ADAMTS16: variants seen among roughly 807,000 people sequenced by gnomAD.
ADAMTS16 encodes the protein ADAM metallopeptidase with thrombospondin type 1 motif 16.
In ADAMTS16, 94 loss-of-function variants were observed where a neutral mutation model predicts 145.8. The observed-to-expected ratio is 0.64, with a 90% CI of 0.55 to 0.77. The LOEUF (loss-of-function observed/expected upper bound fraction) is 0.77. Among genes scored for constraint, ADAMTS16 ranks in the 30% least tolerant of loss-of-function variants. The pLI is 0.00. For synonymous variants in ADAMTS16, 659 were observed against 604.3 expected (o/e 1.09, Z -1.33); for missense variants, 1,585 against 1,591.5 (o/e 1.00, Z 0.07).
In ADAMTS16 at chr5:5,318,205, A is replaced by G. The variant is rs771461039; in HGVS notation, c.3483A>G (p.Ser1161=). The G allele has an allele frequency of 1.3e-6, 2 of 1,568,798 alleles. No individual in the cohort carries two copies. The highest frequency in any genetic ancestry group is 2.4e-5 in the South Asian group (2 of 85,060). Residue 1161 remains serine, a synonymous_variant, in exon 22 of 23, where the codon TCA becomes TCG. Transcript: ENST00000274181. The part of the protein sequence containing the change: ...VQCLAGGRPA[S]GCLLHQKPSA... ...GCCTGGCTGGGGGCCGGCCGGCCTC[A>G]GGCTGCCTCCTGCACCAGAAGCCTT...
Position 5,242,100 on chromosome 5 carries a change from G to C in ADAMTS16, c.2571G>C (p.Met857Ile). Residue 857 changes from methionine (M) to isoleucine (I), a missense_variant, in exon 17 of 23, where the codon ATG becomes ATC. Transcript: ENST00000274181. ...CGGGTGTTGCCTGGGAATACTCCAT[G>C]CCTCGCTTGGGGACCGAGAAGCAGC... ...RNPGVAWEYS[M>I]PRLGTEKQPP... 6.2e-7 allele frequency: 1 copy of C among 1,614,178 alleles called. No individual in the cohort carries two copies. The highest frequency in any genetic ancestry group is 1.1e-5 in the South Asian group (1 of 91,080).
chr5:5,169,598 A>G (rs745592310), intron 3 of ADAMTS16, among the ~76,000 whole-genome samples: 17 of 152,112 alleles, frequency 1.1e-4, no homozygotes, highest in Non-Finnish European at 1.6e-4. Flanking sequence ...TTTCCTCCAC[A>G]TGGCTGGTTT....
rs1443731746 is a variant in ADAMTS16, at chr5:5,140,705, G to C, written c.114G>C (p.Gly38=). ...CAMGPAAAAP[G]SPSVPRPPPP... is the part of the protein sequence containing the mutation. ...TGGGACCCGCAGCGGCAGCGCCTGG[G>C]AGCCCGAGCGTCCCGCGTCCTCCTC... Residue 38 remains glycine (G), a synonymous_variant, in exon 2 of 23, where the codon GGG becomes GGC. Coordinates refer to ENST00000274181, the MANE Select transcript of ADAMTS16 (RefSeq NM_139056.4). 6.4e-7 allele frequency: 1 copy of C among 1,567,916 alleles called. No individual in the cohort carries two copies. Among genetic ancestry groups the C allele is most frequent in the Middle Eastern group, 1.8e-4 (1 of 5,588 alleles).
chr5:5,244,012 G>T (rs1737368974), intron 17 of ADAMTS16, among the ~76,000 whole-genome samples: 1 of 152,210 alleles, frequency 6.6e-6, no homozygotes, highest in Non-Finnish European at 1.5e-5. Context: ...TTTAATTTCA[G>T]TGGAAAACGG....
At chr5:5,289,628 A>G (rs890331680) in intron 18 of ADAMTS16, among the ~76,000 whole-genome samples, 1 of 152,204 alleles carries the variant, frequency 6.6e-6, no homozygotes, top group African/African-American at 2.4e-5. Flanking sequence ...GATTATTTAT[A>G]AGTAGAATTG....
In ADAMTS16 at chr5:5,305,063, CCA is replaced by C. The variant is rs746089868; in HGVS notation, c.3186+1314_3186+1315del. ...CCACACCACACACACACATCCCACA[CCA>C]CACACACACACACACATCCCACACC... On this transcript the variant is annotated intron_variant, in intron 20 of 22. Coordinates refer to ENST00000274181, the MANE Select transcript of ADAMTS16 (RefSeq NM_139056.4). 7.4e-3 allele frequency among the ~76,000 whole-genome samples: 380 copies of C among 51,226 alleles called. 15 individuals are homozygous for C. Among genetic ancestry groups the C allele is most frequent in the African/African-American group, 0.024 (326 of 13,352 alleles). The allele number at this position is 51,226 out of a possible 152,430, so 33.6% of individuals were successfully genotyped here.
chr5:5,228,174 A>G (rs1736822533), intron 11 of ADAMTS16, among the ~76,000 whole-genome samples: 1 of 152,254 alleles, frequency 6.6e-6, no homozygotes, highest in African/African-American at 2.4e-5. Flanking sequence ...TGAATGTATC[A>G]AGTTGTTAGC....
At chr5:5,305,607 AG>A (rs761515048) in intron 20 of ADAMTS16, among the ~76,000 whole-genome samples, 115 of 152,214 alleles carry the variant, frequency 7.6e-4, no homozygotes, top group Non-Finnish European at 1.4e-3. Context: ...AACCAAGAGG[AG>A]TGTTCCAAGT....
Position 5,319,998 on chromosome 5 carries a change from T to C in ADAMTS16, c.*860T>C. ...CTACCATCCTGAGAAGAGTTATGGT[T>C]CTATTATAGCAGACGTCAGCCACAC... is the stretch of plus-strand genomic sequence containing the variant. On this transcript the variant is annotated 3_prime_UTR_variant, in exon 23 of 23. Coordinates refer to ENST00000274181, the MANE Select transcript of ADAMTS16 (RefSeq NM_139056.4). 2.2e-6 allele frequency: 1 copy of C among 448,618 alleles called. No homozygotes were observed. 27.8% of individuals were successfully genotyped at this position (448,618 alleles called of 1,614,324 possible). A position where few individuals can be genotyped will look rare whatever the true frequency, so the allele number is the denominator to read the frequency against.
chr5:5,241,149 CAG>C (rs139879122), intron 16 of ADAMTS16, among the ~76,000 whole-genome samples: 22,763 of 151,926 alleles, frequency 0.15, 1,828 homozygotes, highest in Middle Eastern at 0.19. Flanking sequence ...CCAGGACACT[CAG>C]GGGAGGGTGA....
chr5:5,274,157 C>A (rs1016145763), intron 18 of ADAMTS16, among the ~76,000 whole-genome samples: 25 of 152,274 alleles, frequency 1.6e-4, no homozygotes, highest in African/African-American at 5.8e-4. Flanking sequence ...CATCAACATT[C>A]CCCACCGGCG....
chr5:5,180,638 T>G (rs1483822479), intron 3 of ADAMTS16, among the ~76,000 whole-genome samples: 2 of 152,166 alleles, frequency 1.3e-5, no homozygotes, highest in Non-Finnish European at 2.9e-5. Flanking sequence ...ATTTTTAAAA[T>G]GAACATAATT....
At position 5,194,766 on chromosome 5, in the gene ADAMTS16, G is replaced by A. The variant is rs143670386; in HGVS notation, c.1313+2976G>A. ...TGGAGCAAACATCAGAGCATCAACG[G>A]TCTGCTTTTATCAATGAGCTCCAAG... On this transcript the variant is annotated intron_variant, in intron 8 of 22. Coordinates refer to ENST00000274181, the MANE Select transcript of ADAMTS16 (RefSeq NM_139056.4). 5.4e-3 allele frequency among the ~76,000 whole-genome samples: 819 copies of A among 152,290 alleles called. 29 individuals are homozygous for A. Among genetic ancestry groups the A allele is most frequent in the Admixed American group, 0.051 (779 of 15,294 alleles).
At position 5,195,221 on chromosome 5, in the gene ADAMTS16, T is replaced by C. The variant is rs16874985; in HGVS notation, c.1313+3431T>C. On this transcript the variant is annotated intron_variant, in intron 8 of 22. Coordinates refer to ENST00000274181, the MANE Select transcript of ADAMTS16 (RefSeq NM_139056.4). ...ACATGGGATTGAATCAGGATTTGTATTAAGCTGGTGGTACAAGGAGAGTTT... is the reference window on the plus strand; with the variant it reads ...ACATGGGATTGAATCAGGATTTGTACTAAGCTGGTGGTACAAGGAGAGTTT... Among the ~76,000 whole-genome samples, 819 of 152,308 alleles carry C rather than the reference T, an allele frequency of 5.4e-3. 13 individuals are homozygous for C. The highest frequency in any genetic ancestry group is 0.019 in the African/African-American group (793 of 41,560).
intron 9 of ADAMTS16, among the ~76,000 whole-genome samples, chr5:5,206,240 C>G (rs56109169): frequency 1.4e-5 from 2 of 146,942 alleles, no homozygotes; most frequent in East Asian, 4.2e-4. Context: ...TCCCGGCTAA[C>G]ACGGTGAAAC....
intron 17 of ADAMTS16, among the ~76,000 whole-genome samples, chr5:5,252,101 G>A (rs540607054): frequency 3.9e-5 from 6 of 152,162 alleles, no homozygotes; most frequent in Non-Finnish European, 5.9e-5. Flanking sequence ...CGCCCGCCTC[G>A]GCCTCCCAAA....
chr5:5,147,854 T>C (rs1434351255), intron 3 of ADAMTS16, among the ~76,000 whole-genome samples: 1 of 152,102 alleles, frequency 6.6e-6, no homozygotes, highest in East Asian at 1.9e-4. Context: ...TTGGATTTGG[T>C]TGTGGAAATT....
Position 5,319,201 on chromosome 5 carries a change from G to A in ADAMTS16, c.*63G>A. ...TGGCACAGAAATTTCCCACAAATGA[G>A]CTGTGCAATCTACGTCGGAATACAT... On this transcript the variant is annotated 3_prime_UTR_variant, in exon 23 of 23. Coordinates refer to ENST00000274181, the MANE Select transcript of ADAMTS16 (RefSeq NM_139056.4). The A allele has an allele frequency of 8.0e-7, 1 of 1,243,340 alleles. No individual in the cohort carries two copies. The highest frequency in any genetic ancestry group is 1.2e-6 in the Non-Finnish European group (1 of 865,762). 77.0% of individuals were successfully genotyped at this position (1,243,340 alleles called of 1,614,324 possible).
chr5:5,206,038 G>A (rs1736097255), intron 9 of ADAMTS16, among the ~76,000 whole-genome samples: 1 of 152,102 alleles, frequency 6.6e-6, no homozygotes, highest in South Asian at 2.1e-4. Context: ...AGGTCACCTA[G>A]ATTTTCTCCT....
Sources: allele counts gnomAD v4.1 joint callset (sites outside exome capture counted in the v4.1 genomes callset), GRCh38; gene constraint gnomAD v4.1.1; transcripts MANE v1.5; gene names NCBI Gene and HGNC (gene_info 2026-07-23, HGNC 2026-07-21).